Variants in TRPC4AP observed in about 807,000 individuals in gnomAD.
TRPC4AP encodes the protein short transient receptor potential channel 4-associated protein.
In TRPC4AP, 45 loss-of-function variants were observed where a neutral mutation model predicts 99.0. The ratio of observed to expected loss-of-function variants is 0.45; its 90% CI spans 0.36 to 0.58. TRPC4AP has a LOEUF of 0.58. TRPC4AP is among the 20% of genes least tolerant of loss of function. The pLI is 0.00. For missense variants in TRPC4AP, 879 were observed against 985.3 expected (o/e 0.89, Z 1.44); for synonymous variants, 408 against 385.8 (o/e 1.06, Z -0.67).
intron 7 of TRPC4AP, among the ~76,000 whole-genome samples, chr20:35,038,130 G>A (rs534982726): frequency 2.0e-5 from 3 of 149,558 alleles, no homozygotes; most frequent in Non-Finnish European, 3.0e-5. Flanking sequence ...TGATGAAAAC[G>A]TGCAACTAGA....
chr20:35,034,217 T>C (rs1017717192), intron 8 of TRPC4AP, among the ~76,000 whole-genome samples: 1 of 151,600 alleles, frequency 6.6e-6, no homozygotes, highest in Non-Finnish European at 1.5e-5. Context: ...TTTATTTGCT[T>C]ACCATCAAAA....
At chr20:35,025,345 T>G (rs1452560368) in intron 8 of TRPC4AP, among the ~76,000 whole-genome samples, 1 of 152,136 alleles carries the variant, frequency 6.6e-6, no homozygotes, top group African/African-American at 2.4e-5. Context: ...CATGCCTGGC[T>G]AACCGAAACA....
chr20:35,048,261 G>T (rs921218812), intron 6 of TRPC4AP, among the ~76,000 whole-genome samples: 1 of 147,826 alleles, frequency 6.8e-6, no homozygotes, highest in Non-Finnish European at 1.5e-5. Flanking sequence ...GCCCAGGCTG[G>T]AGTGCAGTGA....
In TRPC4AP at chr20:35,005,770, G is replaced by A; in HGVS notation, c.1861C>T (p.Leu621=). Residue 621 remains leucine (L), a synonymous_variant, in exon 16 of 19, where the codon CTG becomes TTG. Coordinates refer to ENST00000252015, the MANE Select transcript of TRPC4AP (RefSeq NM_015638.3). ...QVFLKQINSS[L]VDSNMLVRCV... is the part of the protein sequence containing the mutation. ...CGCACCAGCATGTTGGAGTCCACCA[G>A]GGAGCTGTTGATCTGCTTCAGGAAT... 6.2e-7 allele frequency: 1 copy of A among 1,614,200 alleles called. No individual in the cohort carries two copies. Among genetic ancestry groups the A allele is most frequent in the Non-Finnish European group, 8.5e-7 (1 of 1,180,006 alleles).
chr20:35,074,935 C>G (rs1600649540), intron 2 of TRPC4AP, among the ~76,000 whole-genome samples: 1 of 152,290 alleles, frequency 6.6e-6, no homozygotes, highest in East Asian at 1.9e-4. Context: ...CTTTATGAAC[C>G]TGGGTGCTCC....
At chr20:35,019,174 G>C (rs6119560) in intron 9 of TRPC4AP, among the ~76,000 whole-genome samples, 28,202 of 152,128 alleles carry the variant, frequency 0.19, 2,704 homozygotes, top group Middle Eastern at 0.34. Context: ...TTGCTACCCA[G>C]TGTAGGCAGG....
chr20:35,005,635 T>C (rs2082500119), intron 16 of TRPC4AP, 60 bp downstream of exon 16: 1 of 1,476,596 alleles, frequency 6.8e-7, no homozygotes. Context: ...GGAGACAGGG[T>C]GTCTGATGCC....
intron 1 of TRPC4AP, among the ~76,000 whole-genome samples, chr20:35,081,895 G>C (rs1294135813): frequency 6.6e-6 from 1 of 152,190 alleles, no homozygotes; most frequent in African/African-American, 2.4e-5. Flanking sequence ...TGAGGCAGGA[G>C]AATTGCTTGA....
At chr20:35,044,797 C>T (rs3803938) in intron 6 of TRPC4AP, 85 bp from the exon 7 acceptor site, 826,384 of 1,331,030 alleles carry the variant, frequency 0.62, 259,964 homozygotes, top group Admixed American at 0.79. Context: ...CCCTTACATA[C>T]GGGGCTTAGT....
At chr20:35,006,297 A>G (rs895567575) in intron 15 of TRPC4AP, 138 bp downstream of exon 15, 1 of 1,002,058 alleles carries the variant, frequency 1.0e-6, no homozygotes, top group South Asian at 1.6e-5. Context: ...GCAGGTTCCA[A>G]TGAATGTTTG....
At chr20:35,081,494 C>T (rs1307650075) in intron 1 of TRPC4AP, among the ~76,000 whole-genome samples, 1 of 151,128 alleles carries the variant, frequency 6.6e-6, no homozygotes, top group East Asian at 1.9e-4. Flanking sequence ...GCCCGGGCAA[C>T]AGAATGCAAC....
intron 4 of TRPC4AP, among the ~76,000 whole-genome samples, chr20:35,057,198 T>C (rs1438195038): frequency 1.3e-5 from 2 of 151,910 alleles, no homozygotes; most frequent in East Asian, 3.9e-4. Flanking sequence ...TTAAAAAAAA[T>C]AAAACAGAGT....
intron 1 of TRPC4AP, among the ~76,000 whole-genome samples, chr20:35,086,428 CATATGTGTGTGTGTGTGTGTGT>C (rs1569157249): frequency 8.4e-6 from 1 of 118,918 alleles, no homozygotes; most frequent in African/African-American, 3.1e-5. Flanking sequence ...AAATGAATGG[CATATGTGTGTGTGTGTGTGTGT>C]GTGTGTGTGT....
intron 3 of TRPC4AP, among the ~76,000 whole-genome samples, chr20:35,060,610 A>C (rs976869026): frequency 2.2e-4 from 28 of 127,174 alleles, no homozygotes; most frequent in African/African-American, 7.2e-4. Context: ...AAAAAAAAAA[A>C]CAAGAAAAGG....
chr20:35,002,790 C>G lies in TRPC4AP; in HGVS notation c.*356G>C. On this transcript the variant is annotated 3_prime_UTR_variant, in exon 19 of 19. Transcript: ENST00000252015. ...GCTCACAGATGGGGGGTGGGGGTCA[C>G]CCATATCTTCCTCCCCACTCTGGGA... The G allele has an allele frequency of 4.7e-6, 1 of 214,146 alleles. No homozygotes were observed. Among genetic ancestry groups the G allele is most frequent in the Non-Finnish European group, 9.4e-6 (1 of 106,736 alleles). The allele number at this position is 214,146 out of a possible 1,614,324, so 13.3% of individuals were successfully genotyped here.
chr20:35,031,902 T>C (rs1406732945), intron 8 of TRPC4AP, among the ~76,000 whole-genome samples: 1 of 151,746 alleles, frequency 6.6e-6, no homozygotes, highest in Non-Finnish European at 1.5e-5. Context: ...TAAAAAAAAG[T>C]TTTTTTTGAG....
chr20:35,021,431 G>T, intron 8 of TRPC4AP, 75 bp from the exon 9 acceptor site: 4 of 1,525,834 alleles, frequency 2.6e-6, no homozygotes, highest in Non-Finnish European at 2.7e-6. Context: ...AACCTGCTCT[G>T]AACAGACTTG....
chr20:35,036,384 T>G (rs1444602736), intron 7 of TRPC4AP, among the ~76,000 whole-genome samples: 2 of 152,218 alleles, frequency 1.3e-5, no homozygotes, highest in African/African-American at 4.8e-5. Flanking sequence ...ACAGTGGAAC[T>G]GAAACTTTTC....
At chr20:35,018,371 G>A (rs920914281) in intron 9 of TRPC4AP, among the ~76,000 whole-genome samples, 4 of 152,148 alleles carry the variant, frequency 2.6e-5, no homozygotes, top group African/African-American at 4.8e-5. Context: ...CAAGGCGGGC[G>A]GATCACTTGA....
Sources: allele counts gnomAD v4.1 joint callset (sites outside exome capture counted in the v4.1 genomes callset), GRCh38; gene constraint gnomAD v4.1.1; transcripts MANE v1.5; gene names NCBI Gene and HGNC (gene_info 2026-07-23, HGNC 2026-07-21).